Variants in CHAF1A observed in about 807,000 individuals in gnomAD.
CHAF1A encodes CAF-1 subunit A.
In CHAF1A, 5 loss-of-function variants were observed where a neutral mutation model predicts 93.2. The observed-to-expected ratio is 0.05, with a 90% CI of 0.03 to 0.11. The LOEUF (loss-of-function observed/expected upper bound fraction) is 0.11, where lower values mean the gene tolerates loss of function less well. Ranked by LOEUF, CHAF1A falls within the 10% of genes least tolerant of loss-of-function variation. CHAF1A has a pLI of 1.00. For synonymous variants in CHAF1A, 504 were observed against 510.3 expected (o/e 0.99, Z 0.17); for missense variants, 1,102 against 1,259.9 (o/e 0.87, Z 1.90).
chr19:4,405,700 C>G (rs948925209), intron 1 of CHAF1A, among the ~76,000 whole-genome samples: 1 of 151,820 alleles, frequency 6.6e-6, no homozygotes, highest in Non-Finnish European at 1.5e-5. Context: ...AGCAGAATCC[C>G]TGGCCTCTAC....
chr19:4,421,354 G>A (rs1973987952), intron 4 of CHAF1A, among the ~76,000 whole-genome samples: 1 of 152,120 alleles, frequency 6.6e-6, no homozygotes. Flanking sequence ...GATTATAGGT[G>A]TGAGCCCCCT....
intron 13 of CHAF1A, among the ~76,000 whole-genome samples, chr19:4,441,489 T>C (rs1974387615): frequency 6.6e-6 from 1 of 151,826 alleles, no homozygotes; most frequent in Admixed American, 6.6e-5. Context: ...ACACCTGTAA[T>C]CCCAGCTACT....
At chr19:4,414,772 G>T (rs2145086069) in intron 3 of CHAF1A, among the ~76,000 whole-genome samples, 1 of 152,194 alleles carries the variant, frequency 6.6e-6, no homozygotes, top group East Asian at 1.9e-4. Context: ...TCTACAAGTG[G>T]CCTTGGGCTG....
intron 4 of CHAF1A, among the ~76,000 whole-genome samples, chr19:4,420,743 C>T (rs1973977251): frequency 1.3e-5 from 2 of 152,182 alleles, no homozygotes; most frequent in South Asian, 2.1e-4. Context: ...GAGTTTGAGA[C>T]AAGCCTGGGC....
At chr19:4,442,418 GCTGC>G in intron 14 of CHAF1A, 77 bp downstream of exon 14, 1 of 1,237,154 alleles carries the variant, frequency 8.1e-7, no homozygotes, top group South Asian at 1.3e-5. Context: ...AAGGGATGGG[GCTGC>G]CTAAGACTAG....
Position 4,433,216 on chromosome 19 carries a change from C to G in CHAF1A, c.2350C>G (p.Pro784Ala). The G allele has an allele frequency of 6.2e-7, 1 of 1,614,120 alleles. No homozygotes were observed. The highest frequency in any genetic ancestry group is 8.5e-7 in the Non-Finnish European group (1 of 1,179,984). The change falls in exon 13 of 15, where the codon CCC becomes GCC. Residue 784 changes from proline (P) to alanine (A), a missense_variant. Pro to Ala is a conservative substitution (Grantham distance 27). Coordinates refer to ENST00000301280, the MANE Select transcript of CHAF1A (RefSeq NM_005483.3). This position sits in a 1 kb window ranked among gnomAD's most constrained non-coding sequence, Gnocchi z 5.6. ...RSPSTTYLHT[P>A]TPSEDAAIPS... ...CCCCTCCACCACCTACCTGCACACC[C>G]CCACCCCCAGCGAGGATGCCGCCAT...
chr19:4,422,512 T>C lies in CHAF1A; in HGVS notation c.1018-54T>C, dbSNP rs1233155921. 2 of 1,490,616 alleles carry C rather than the reference T, an allele frequency of 1.3e-6. No homozygotes were observed. The highest frequency in any genetic ancestry group is 2.8e-5 in the African/African-American group (2 of 71,744). 92.3% of individuals were successfully genotyped at this position (1,490,616 alleles called of 1,614,324 possible). On this transcript the variant is annotated intron_variant, in intron 4 of 14. Coordinates refer to ENST00000301280, the MANE Select transcript of CHAF1A (RefSeq NM_005483.3). This position sits in a 1 kb window ranked among gnomAD's most constrained non-coding sequence, Gnocchi z 4.6. ...TGTCCTCCATGCTGTGAACCGAGCT[T>C]CCTCCTGGGAGTTGGAGGGAGGGCC...
chr19:4,411,033 G>A (rs1973788338), intron 3 of CHAF1A, among the ~76,000 whole-genome samples: 1 of 152,178 alleles, frequency 6.6e-6, no homozygotes. Flanking sequence ...TCTTAAGTAT[G>A]TAGAACCAGA....
intron 2 of CHAF1A, among the ~76,000 whole-genome samples, chr19:4,407,238 CA>C (rs1398165542): frequency 2.3e-3 from 251 of 108,450 alleles, no homozygotes; most frequent in African/African-American, 7.9e-3. Context: ...ACTCCCCCCA[CA>C]CCCCCCCCAA....
chr19:4,403,114 A>G (rs1237585868), intron 1 of CHAF1A, among the ~76,000 whole-genome samples: 1 of 152,230 alleles, frequency 6.6e-6, no homozygotes, highest in Non-Finnish European at 1.5e-5. Flanking sequence ...ACTGAGGCCC[A>G]GGGAAGCGAA....
intron 10 of CHAF1A, 66 bp downstream of exon 10, chr19:4,429,854 A>AG (rs1461827408): frequency 2.1e-6 from 3 of 1,402,860 alleles, no homozygotes; most frequent in East Asian, 2.3e-5. Flanking sequence ...TCCCACAGTG[A>AG]GGGGCTAAGG....
chr19:4,417,575 C>T (rs1239900333), intron 3 of CHAF1A, among the ~76,000 whole-genome samples: 1 of 151,522 alleles, frequency 6.6e-6, no homozygotes, highest in Non-Finnish European at 1.5e-5. Context: ...ATTCTTCTGC[C>T]TCAGCCTCCT....
At chr19:4,450,257 A>G in the CHAF1A span, 5 of 151,636 alleles carry the variant, frequency 3.3e-5, no homozygotes, top group African/African-American at 1.2e-4. Context: ...GAGAGGCCAC[A>G]AAAGAATTCT....
downstream of CHAF1A, chr19:4,447,716 C>T: frequency 2.3e-6 from 3 of 1,316,164 alleles, no homozygotes; most frequent in Non-Finnish European, 3.3e-6. Flanking sequence ...GCAGCTCAGC[C>T]ACACTTGGCC....
chr19:4,417,145 G>C (rs770263473), intron 3 of CHAF1A, among the ~76,000 whole-genome samples: 3 of 152,046 alleles, frequency 2.0e-5, no homozygotes, highest in Non-Finnish European at 4.4e-5. Flanking sequence ...CTAACTAAAA[G>C]CTTTTTTTAG....
intron 11 of CHAF1A, 67 bp from the exon 12 acceptor site, chr19:4,431,885 C>T: frequency 6.5e-7 from 1 of 1,537,174 alleles, no homozygotes; most frequent in Non-Finnish European, 8.8e-7. Flanking sequence ...GGACTGGTTC[C>T]TCAAAAGAGT....
chr19:4,407,732 G>C (rs1308966242), intron 2 of CHAF1A, among the ~76,000 whole-genome samples: 5 of 152,074 alleles, frequency 3.3e-5, no homozygotes, highest in Non-Finnish European at 7.4e-5. Flanking sequence ...CAGATCACCT[G>C]AGGTCAGGAG....
chr19:4,447,581 C>T (rs148219784), downstream of CHAF1A: 261 of 1,613,884 alleles, frequency 1.6e-4, no homozygotes, highest in African/African-American at 2.6e-3. Context: ...CTTGATCTTC[C>T]GGTACTTCTC....
At chr19:4,420,012 G>A (rs1184479591) in intron 4 of CHAF1A, among the ~76,000 whole-genome samples, 1 of 152,172 alleles carries the variant, frequency 6.6e-6, no homozygotes, top group East Asian at 1.9e-4. Context: ...CAGCACACTG[G>A]CAGGAAATGC....
Sources: gnomAD v4.1 joint callset for allele counts (sites outside exome capture counted in the v4.1 genomes callset) on GRCh38, gnomAD v4.1.1 for gene constraint, Gnocchi (gnomAD v3.1) non-coding constraint, MANE v1.5 for transcripts, NCBI Gene and HGNC (gene_info 2026-07-23, HGNC 2026-07-21) for gene names.